OSBPL1A: variants seen among roughly 807,000 people sequenced by gnomAD.
OSBPL1A encodes oxysterol-binding protein-related protein 1.
OSBPL1A carries 80 observed loss-of-function variants against 137.1 expected under a neutral mutation model. That is an observed-to-expected ratio of 0.58 (90% CI 0.49 to 0.70). The LOEUF is 0.70. Among genes scored for constraint, OSBPL1A ranks in the 30% least tolerant of loss-of-function variants. The probability of loss-of-function intolerance (pLI) is 0.00; values close to 1 mark genes in which losing one functional copy is unlikely to be tolerated. For synonymous variants in OSBPL1A, 365 were observed against 389.7 expected (o/e 0.94, Z 0.75); for missense variants, 970 against 1,129.4 (o/e 0.86, Z 2.02).
chr18:24,180,880 C>T (rs943310099), intron 19 of OSBPL1A, among the ~76,000 whole-genome samples: 2 of 152,026 alleles, frequency 1.3e-5, no homozygotes, highest in Non-Finnish European at 2.9e-5. Context: ...CTGTCTCACA[C>T]ACACACAAAA....
At chr18:24,366,792 T>C (rs988562580) in intron 4 of OSBPL1A, 100 bp downstream of exon 4, 4 of 1,198,292 alleles carry the variant, frequency 3.3e-6, no homozygotes, top group African/African-American at 1.5e-5. Context: ...TTTGTGTGGC[T>C]TTCTTCGGTT....
At chr18:24,171,286 C>T (rs1306593901) in intron 23 of OSBPL1A, 123 bp downstream of exon 23, 7 of 668,444 alleles carry the variant, frequency 1.0e-5, no homozygotes, top group Non-Finnish European at 1.8e-5. Flanking sequence ...CCCACCTCAG[C>T]CTCCCAAAGT....
At chr18:24,265,928 C>T (rs757583989) in intron 15 of OSBPL1A, among the ~76,000 whole-genome samples, 1 of 152,334 alleles carries the variant, frequency 6.6e-6, no homozygotes, top group South Asian at 2.1e-4. Context: ...ATGCCACAAA[C>T]CAGTTTTGCT....
chr18:24,219,056 G>A (rs572082722), intron 17 of OSBPL1A, among the ~76,000 whole-genome samples: 16 of 152,052 alleles, frequency 1.1e-4, no homozygotes, highest in Non-Finnish European at 1.9e-4. Flanking sequence ...ACTTTGGGAG[G>A]TCAAGGTGGG....
chr18:24,251,230 G>A (rs1173718540), intron 15 of OSBPL1A, among the ~76,000 whole-genome samples: 1 of 152,188 alleles, frequency 6.6e-6, no homozygotes, highest in African/African-American at 2.4e-5. Context: ...TTGCCACCTG[G>A]TGACTACGTA....
At chr18:24,181,061 T>C in intron 19 of OSBPL1A, 84 bp downstream of exon 19, 2 of 1,465,732 alleles carry the variant, frequency 1.4e-6, no homozygotes, top group Non-Finnish European at 1.8e-6. Context: ...AATTTAACAC[T>C]AATTGTGTGA....
intron 15 of OSBPL1A, among the ~76,000 whole-genome samples, chr18:24,244,259 G>T (rs2088812704): frequency 6.6e-6 from 1 of 152,088 alleles, no homozygotes; most frequent in South Asian, 2.1e-4. Context: ...TGTGAATATT[G>T]ATTACTAGAT....
At chr18:24,370,890 A>G (rs1052143807) in intron 2 of OSBPL1A, among the ~76,000 whole-genome samples, 1 of 152,030 alleles carries the variant, frequency 6.6e-6, no homozygotes, top group African/African-American at 2.4e-5. Flanking sequence ...GCTGGTCTCA[A>G]ACTCCTGAGC....
chr18:24,163,079 T>C lies in OSBPL1A; in HGVS notation c.*100A>G, dbSNP rs200338662. On this transcript the variant is annotated 3_prime_UTR_variant, in exon 28 of 28. Transcript: ENST00000319481. ...TTATCTCATGAGTGTTTTTTCATTT[T>C]TTTTTTTAAAAGATAAGTAGAAACC... 4.5e-4 allele frequency: 382 copies of C among 852,944 alleles called. 6 individuals are homozygous for C. The East Asian group carries it at 0.011, about 24-fold the overall frequency. 52.8% of individuals were successfully genotyped at this position (852,944 alleles called of 1,614,324 possible).
intron 17 of OSBPL1A, among the ~76,000 whole-genome samples, chr18:24,203,044 C>G (rs944211980): frequency 6.6e-6 from 1 of 152,236 alleles, no homozygotes; most frequent in Non-Finnish European, 1.5e-5. Context: ...ACGGCGCAAT[C>G]TTGGCTCACT....
At chr18:24,322,272 G>C (rs1288651175) in intron 7 of OSBPL1A, among the ~76,000 whole-genome samples, 2 of 147,214 alleles carry the variant, frequency 1.4e-5, no homozygotes, top group Non-Finnish European at 3.0e-5. Flanking sequence ...ATCACGCCCG[G>C]CTAATTTTTT....
intron 17 of OSBPL1A, among the ~76,000 whole-genome samples, chr18:24,206,497 T>C (rs573223301): frequency 1.3e-5 from 2 of 152,220 alleles, no homozygotes; most frequent in Admixed American, 1.3e-4. Flanking sequence ...TTCCGTCCAA[T>C]TAACATTTTT....
At chr18:24,193,262 G>A (rs2086938382) in intron 18 of OSBPL1A, among the ~76,000 whole-genome samples, 1 of 152,108 alleles carries the variant, frequency 6.6e-6, no homozygotes, top group African/African-American at 2.4e-5. Context: ...CAGGGTGGGT[G>A]GATCAACTGA....
chr18:24,200,800 C>G (rs12458696), intron 17 of OSBPL1A, among the ~76,000 whole-genome samples: 1 of 151,934 alleles, frequency 6.6e-6, no homozygotes, highest in African/African-American at 2.4e-5. Context: ...CAAGAAAATG[C>G]TAAATCTTCT....
chr18:24,199,355 A>C (rs1449798713), intron 17 of OSBPL1A, among the ~76,000 whole-genome samples: 1 of 152,128 alleles, frequency 6.6e-6, no homozygotes, highest in African/African-American at 2.4e-5. Flanking sequence ...CTGAGATGGC[A>C]GGAGTAATAA....
chr18:24,273,303 G>A (rs1324453976), intron 15 of OSBPL1A, among the ~76,000 whole-genome samples: 1 of 152,172 alleles, frequency 6.6e-6, no homozygotes, highest in African/African-American at 2.4e-5. Context: ...ATGGAAAGAG[G>A]AGTCCCTGCT....
intron 1 of OSBPL1A, among the ~76,000 whole-genome samples, 163 bp from the exon 2 acceptor site, chr18:24,377,698 C>T (rs1317391502): frequency 6.6e-6 from 1 of 152,174 alleles, no homozygotes; most frequent in Non-Finnish European, 1.5e-5. Flanking sequence ...GAGCCTGAGA[C>T]CCCTTGCCCT....
At chr18:24,282,532 C>G (rs1420405741) in intron 14 of OSBPL1A, among the ~76,000 whole-genome samples, 2 of 151,854 alleles carry the variant, frequency 1.3e-5, no homozygotes, top group Non-Finnish European at 2.9e-5. Context: ...AAATCTTAAC[C>G]CATTTACTCA....
At chr18:24,244,789 G>T (rs114107560) in intron 15 of OSBPL1A, among the ~76,000 whole-genome samples, 1 of 152,286 alleles carries the variant, frequency 6.6e-6, no homozygotes, top group African/African-American at 2.4e-5. Context: ...AGCCAGCTAC[G>T]ACACATTCAC....
Sources: gnomAD v4.1 joint callset for allele counts (sites outside exome capture counted in the v4.1 genomes callset) on GRCh38, gnomAD v4.1.1 for gene constraint, MANE v1.5 for transcripts, NCBI Gene and HGNC (gene_info 2026-07-23, HGNC 2026-07-21) for gene names.